GRM7: variants seen among roughly 807,000 people sequenced by gnomAD.
GRM7 encodes the protein glutamate metabotropic receptor 7.
GRM7 carries 35 observed loss-of-function variants against 84.5 expected under a neutral mutation model. The observed-to-expected ratio is 0.41, with a 90% CI of 0.32 to 0.55. The LOEUF is 0.55. Among genes scored for constraint, GRM7 ranks in the 20% least tolerant of loss-of-function variants. The probability of loss-of-function intolerance (pLI) is 0.19; values close to 1 mark genes in which losing one functional copy is unlikely to be tolerated. For synonymous variants in GRM7, 487 were observed against 455.1 expected (o/e 1.07, Z -0.89); for missense variants, 1,003 against 1,194.6 (o/e 0.84, Z 2.36).
chr3:7,448,976 A>T (rs1697648588), intron 5 of GRM7, among the ~76,000 whole-genome samples: 1 of 152,026 alleles, frequency 6.6e-6, no homozygotes, highest in South Asian at 2.1e-4. Context: ...TATAAAAAAT[A>T]AGAGAAATTT....
intron 1 of GRM7, among the ~76,000 whole-genome samples, chr3:6,992,963 G>A (rs976406065): frequency 1.3e-5 from 2 of 152,126 alleles, no homozygotes; most frequent in East Asian, 1.9e-4. Flanking sequence ...AGAGATTTCC[G>A]TTTTCATACT....
At chr3:7,696,963 C>G (rs1390083430) in intron 9 of GRM7, among the ~76,000 whole-genome samples, 1 of 152,134 alleles carries the variant, frequency 6.6e-6, no homozygotes, top group African/African-American at 2.4e-5. Flanking sequence ...CAGGCCAGTT[C>G]TATCAATCGG....
intron 1 of GRM7, among the ~76,000 whole-genome samples, chr3:6,966,090 C>T (rs1056105876): frequency 5.9e-5 from 9 of 152,182 alleles, no homozygotes; most frequent in Non-Finnish European, 4.4e-5. Flanking sequence ...ATACGAAATG[C>T]CCTTGGGGCT....
intron 1 of GRM7, among the ~76,000 whole-genome samples, chr3:7,009,956 T>C (rs148524882): frequency 0.013 from 2,032 of 152,322 alleles, 28 homozygotes; most frequent in Middle Eastern, 0.061. Flanking sequence ...GCAACTTTGA[T>C]CTTTATCAAA....
chr3:6,929,460 G>C (rs904774499), intron 1 of GRM7, among the ~76,000 whole-genome samples: 2 of 152,172 alleles, frequency 1.3e-5, no homozygotes, highest in African/African-American at 4.8e-5. Flanking sequence ...AGGTGGTACC[G>C]TGTTCATGAA....
intron 1 of GRM7, among the ~76,000 whole-genome samples, chr3:6,890,362 G>A (rs926492483): frequency 6.6e-6 from 1 of 151,924 alleles, no homozygotes; most frequent in African/African-American, 2.4e-5. Flanking sequence ...TTCTCTTGAG[G>A]GCATTTAATG....
intron 8 of GRM7, among the ~76,000 whole-genome samples, chr3:7,591,108 T>A (rs548320035): frequency 6.6e-6 from 1 of 152,298 alleles, no homozygotes; most frequent in East Asian, 1.9e-4. Flanking sequence ...CACTAATGTC[T>A]GTGAAAATAA....
At chr3:7,638,608 A>G (rs1489386691) in intron 8 of GRM7, among the ~76,000 whole-genome samples, 1 of 152,180 alleles carries the variant, frequency 6.6e-6, no homozygotes. Flanking sequence ...GGATTTGTCC[A>G]TATTTTTTCT....
intron 5 of GRM7, among the ~76,000 whole-genome samples, chr3:7,432,049 T>C (rs1696852772): frequency 6.6e-6 from 1 of 152,108 alleles, no homozygotes. Flanking sequence ...AGCTACAAGG[T>C]AGAGTTGCTA....
At chr3:6,933,769 A>ATT (rs1697590990) in intron 1 of GRM7, among the ~76,000 whole-genome samples, 1 of 136,832 alleles carries the variant, frequency 7.3e-6, no homozygotes. Flanking sequence ...ATTGCCAGTT[A>ATT]TTCTGAGTCA....
chr3:7,439,870 T>C (rs1697216437), intron 5 of GRM7, among the ~76,000 whole-genome samples: 1 of 151,986 alleles, frequency 6.6e-6, no homozygotes, highest in Non-Finnish European at 1.5e-5. Flanking sequence ...GAGCACAAAG[T>C]ATTTGGAAAG....
intron 8 of GRM7, among the ~76,000 whole-genome samples, chr3:7,622,737 A>T (rs891234436): frequency 2.0e-5 from 3 of 152,090 alleles, no homozygotes; most frequent in African/African-American, 7.2e-5. Context: ...TCACACTGGA[A>T]CTTGAAGCCC....
chr3:6,950,968 A>T (rs890819025), intron 1 of GRM7, among the ~76,000 whole-genome samples: 3 of 152,114 alleles, frequency 2.0e-5, no homozygotes, highest in African/African-American at 7.2e-5. Context: ...CCTTTCTTTG[A>T]CTAGGAAAGG....
chr3:7,573,923 A>G (rs1417046391), intron 7 of GRM7, among the ~76,000 whole-genome samples: 1 of 152,212 alleles, frequency 6.6e-6, no homozygotes, highest in Non-Finnish European at 1.5e-5. Context: ...ATTAGATAGA[A>G]TGCGTGACTG....
intron 1 of GRM7, among the ~76,000 whole-genome samples, chr3:7,142,414 C>G (rs998542520): frequency 6.6e-6 from 1 of 151,760 alleles, no homozygotes. Context: ...TGGTGGAAGG[C>G]GAAGGGGAAG....
rs1408306117 is a variant in GRM7 at position 7,741,091 on chromosome 3, G to T, written c.*685G>T. ...CCCACCTATCTTTGGTATATGATAG[G>T]TTACATAAAAGGAAGGTATTGGCTG... On this transcript the variant is annotated 3_prime_UTR_variant, in exon 10 of 10. Coordinates refer to ENST00000357716, the MANE Select transcript of GRM7 (RefSeq NM_000844.4). The T allele has an allele frequency of 6.6e-6, 1 of 152,310 alleles. No individual in the cohort carries two copies. 9.4% of individuals were successfully genotyped at this position (152,310 alleles called of 1,614,324 possible). A position where few individuals can be genotyped will look rare whatever the true frequency, so the allele number is the denominator to read the frequency against.
In GRM7 at chr3:7,672,765, C is replaced by T. The variant is rs184691609; in HGVS notation, c.2452-7284C>T. Among the ~76,000 whole-genome samples the T allele has an allele frequency of 7.2e-3, 1,101 of 152,098 alleles. 11 individuals are homozygous for T. Among genetic ancestry groups the T allele is most frequent in the Non-Finnish European group, 0.011 (777 of 67,986 alleles). On this transcript the variant is annotated intron_variant, in intron 8 of 9. Coordinates refer to ENST00000357716, the MANE Select transcript of GRM7 (RefSeq NM_000844.4). ...GACTACAGGCGCCCGCTATGGCGCC[C>T]GGCTAATTTTTTTTGTATTTTTTAG... is the stretch of plus-strand genomic sequence containing the variant.
At chr3:7,273,325 T>G (rs1698937203) in intron 2 of GRM7, among the ~76,000 whole-genome samples, 1 of 152,122 alleles carries the variant, frequency 6.6e-6, no homozygotes, top group Non-Finnish European at 1.5e-5. Flanking sequence ...AATGTACATT[T>G]TGCTACTAAC....
chr3:7,698,805 G>A (rs1357138170), intron 9 of GRM7, among the ~76,000 whole-genome samples: 1 of 152,132 alleles, frequency 6.6e-6, no homozygotes, highest in African/African-American at 2.4e-5. Flanking sequence ...GTACCCCCGG[G>A]CTACTACATG....
Sources: gnomAD v4.1 joint callset for allele counts (sites outside exome capture counted in the v4.1 genomes callset) on GRCh38, gnomAD v4.1.1 for gene constraint, MANE v1.5 for transcripts, NCBI Gene and HGNC (gene_info 2026-07-23, HGNC 2026-07-21) for gene names.